DNAH7: variants seen among roughly 807,000 people sequenced by gnomAD.
The protein encoded by DNAH7 is dynein axonemal heavy chain 7, also known as axonemal beta dynein heavy chain 7.
In DNAH7, 397 loss-of-function variants were observed where a neutral mutation model predicts 444.6. The observed-to-expected ratio is 0.89, with a 90% confidence interval of 0.82 to 0.97. The LOEUF (loss-of-function observed/expected upper bound fraction) is 0.97, where lower values mean the gene tolerates loss of function less well. Ranked by LOEUF, DNAH7 falls within the 50% of genes least tolerant of loss-of-function variation. The pLI, the probability that DNAH7 is intolerant of heterozygous loss-of-function variation, is 0.00. For synonymous variants in DNAH7, 1,636 were observed against 1,624.4 expected (o/e 1.01, Z -0.17); for missense variants, 4,902 against 4,800.8 (o/e 1.02, Z -0.62).
At chr2:195,742,599 T>C (rs1310162615) in intron 63 of DNAH7, among the ~76,000 whole-genome samples, 1 of 152,188 alleles carries the variant, frequency 6.6e-6, no homozygotes. Context: ...ATACATAGAA[T>C]ATATAGAAAA....
At chr2:195,947,368 C>A (rs775895235) in intron 19 of DNAH7, among the ~76,000 whole-genome samples, 1 of 151,820 alleles carries the variant, frequency 6.6e-6, no homozygotes, top group African/African-American at 2.4e-5. Context: ...TAGGTATACA[C>A]GTGCCATCGT....
intron 48 of DNAH7, chr2:195,825,254 T>C (rs1444207952): frequency 6.9e-6 from 1 of 144,954 alleles, no homozygotes; most frequent in East Asian, 2.0e-4. Flanking sequence ...CAATATCCTG[T>C]CTCAAACATA....
chr2:196,067,394 C>T (rs1187753786), intron 1 of DNAH7, among the ~76,000 whole-genome samples: 3 of 152,098 alleles, frequency 2.0e-5, no homozygotes, highest in African/African-American at 7.2e-5. Flanking sequence ...ACATTAATAT[C>T]ATGTAGAAAA....
At chr2:196,023,583 T>G (rs2125767895) in intron 8 of DNAH7, among the ~76,000 whole-genome samples, 1 of 152,372 alleles carries the variant, frequency 6.6e-6, no homozygotes, top group South Asian at 2.1e-4. Context: ...GGCTTTGCTC[T>G]GGATTAGGCT....
At chr2:195,947,873 T>A (rs1380546457) in intron 19 of DNAH7, among the ~76,000 whole-genome samples, 1 of 152,192 alleles carries the variant, frequency 6.6e-6, no homozygotes, top group African/African-American at 2.4e-5. Flanking sequence ...CACCACACTG[T>A]CTTCCACAAT....
chr2:195,953,337 C>T (rs1312925024), intron 19 of DNAH7, among the ~76,000 whole-genome samples: 2 of 152,108 alleles, frequency 1.3e-5, no homozygotes. Flanking sequence ...CCGCCAGATG[C>T]CAGCTGGAGT....
At chr2:195,812,882 T>C (rs1180927850) in intron 51 of DNAH7, among the ~76,000 whole-genome samples, 1 of 152,228 alleles carries the variant, frequency 6.6e-6, no homozygotes, top group East Asian at 1.9e-4. Flanking sequence ...TGAGAACTCA[T>C]TCTCTTTTTA....
intron 58 of DNAH7, among the ~76,000 whole-genome samples, chr2:195,781,252 C>T (rs143378937): frequency 6.6e-6 from 1 of 152,138 alleles, no homozygotes; most frequent in East Asian, 1.9e-4. Flanking sequence ...AAACTCAATG[C>T]AAATCAAATA....
At chr2:196,046,228 G>C (rs952476688) in intron 5 of DNAH7, among the ~76,000 whole-genome samples, 10 of 152,310 alleles carry the variant, frequency 6.6e-5, no homozygotes, top group African/African-American at 1.9e-4. Context: ...CTGCCCTTAT[G>C]GGGGCAGGGC....
intron 12 of DNAH7, among the ~76,000 whole-genome samples, chr2:195,996,270 T>C (rs963338197): frequency 5.9e-5 from 9 of 152,298 alleles, no homozygotes; most frequent in African/African-American, 1.4e-4. Flanking sequence ...GCTGCAAAAT[T>C]TGCATTCTGC....
At chr2:195,807,467 A>G (rs899477456) in intron 53 of DNAH7, among the ~76,000 whole-genome samples, 25 of 152,328 alleles carry the variant, frequency 1.6e-4, no homozygotes, top group African/African-American at 5.8e-4. Flanking sequence ...TGGAACAAAA[A>G]CATTTTTAAA....
intron 17 of DNAH7, among the ~76,000 whole-genome samples, chr2:195,962,280 A>G (rs986076072): frequency 6.6e-6 from 1 of 152,232 alleles, no homozygotes; most frequent in East Asian, 1.9e-4. Flanking sequence ...AATGCCTATC[A>G]TATGTTAAAT....
At chr2:195,744,441 A>C (rs1693255194) in intron 63 of DNAH7, among the ~76,000 whole-genome samples, 1 of 152,124 alleles carries the variant, frequency 6.6e-6, no homozygotes, top group Non-Finnish European at 1.5e-5. Context: ...AACAAACAAA[A>C]AGACAGCAGT....
At chr2:195,744,704 C>T (rs542318034) in intron 63 of DNAH7, among the ~76,000 whole-genome samples, 63 of 152,270 alleles carry the variant, frequency 4.1e-4, no homozygotes, top group Middle Eastern at 6.8e-3. Flanking sequence ...CACGAAAATC[C>T]GCTGTTCTGC....
intron 51 of DNAH7, among the ~76,000 whole-genome samples, chr2:195,810,214 C>G (rs1696900160): frequency 6.6e-6 from 1 of 151,928 alleles, no homozygotes; most frequent in East Asian, 1.9e-4. Flanking sequence ...CTCTTTATAA[C>G]AAATAATTTC....
At chr2:195,883,370 C>T (rs920668897) in intron 35 of DNAH7, among the ~76,000 whole-genome samples, 6 of 151,862 alleles carry the variant, frequency 4.0e-5, no homozygotes. Context: ...ATGGCGTGAA[C>T]CTGGGAGGCG....
At position 195,865,024 on chromosome 2, in the gene DNAH7, G is replaced by A. The variant is rs971804704; in HGVS notation, c.6634-3C>T. ...CGGTCATAATACACTCGAAGGACCTGTATAATAATTAAAAAGCAGCTTTAG... is the reference window on the plus strand; with the variant it reads ...CGGTCATAATACACTCGAAGGACCTATATAATAATTAAAAAGCAGCTTTAG... On this transcript the variant is annotated splice_polypyrimidine_tract_variant and splice_region_variant and intron_variant, in intron 40 of 64. Coordinates refer to ENST00000312428, the MANE Select transcript of DNAH7 (RefSeq NM_018897.3). 9.7e-6 allele frequency: 15 copies of A among 1,553,178 alleles called. No homozygotes were observed. Among genetic ancestry groups the A allele is most frequent in the Non-Finnish European group, 1.2e-5 (14 of 1,161,048 alleles).
chr2:196,025,483 T>G (rs1190857459), intron 7 of DNAH7, among the ~76,000 whole-genome samples: 2 of 152,136 alleles, frequency 1.3e-5, no homozygotes, highest in African/African-American at 2.4e-5. Flanking sequence ...CACCCTATGC[T>G]TTGGCTTCAG....
At chr2:195,838,013 T>C (rs1201575070) in intron 47 of DNAH7, among the ~76,000 whole-genome samples, 3 of 152,146 alleles carry the variant, frequency 2.0e-5, no homozygotes, top group Non-Finnish European at 4.4e-5. Context: ...TGAAAAGACC[T>C]GAAGCTGTGC....
Sources: gnomAD v4.1 joint callset for allele counts (sites outside exome capture counted in the v4.1 genomes callset) on GRCh38, gnomAD v4.1.1 for gene constraint, MANE v1.5 for transcripts, NCBI Gene and HGNC (gene_info 2026-07-23, HGNC 2026-07-21) for gene names.